The following BMERB1 variants were observed in gnomAD, a reference collection of about 807,000 sequenced individuals.
BMERB1 encodes bMERB domain-containing protein 1.
In BMERB1, 12 loss-of-function variants were observed where a neutral mutation model predicts 23.6. The observed-to-expected ratio is 0.51, with a 90% confidence interval of 0.33 to 0.82. The LOEUF (loss-of-function observed/expected upper bound fraction) is 0.82, where lower values mean the gene tolerates loss of function less well. Among genes scored for constraint, BMERB1 ranks in the 40% least tolerant of loss-of-function variants. BMERB1 has a pLI of 0.03. For missense variants in BMERB1, 247 were observed against 255.4 expected, an observed-to-expected ratio of 0.97 and a Z score of 0.22; for synonymous variants, 122 against 96.6, an observed-to-expected ratio of 1.26 and a Z score of -1.54.
intron 1 of BMERB1, among the ~76,000 whole-genome samples, chr16:15,468,303 A>C (rs2051201557): frequency 6.7e-6 from 1 of 150,308 alleles, no homozygotes; most frequent in African/African-American, 2.4e-5. Flanking sequence ...GCACCTCCCC[A>C]CCTGGCTAAT....
At chr16:15,486,745 T>C (rs1018710073) in intron 1 of BMERB1, among the ~76,000 whole-genome samples, 6 of 152,222 alleles carry the variant, frequency 3.9e-5, no homozygotes, top group African/African-American at 1.4e-4. Flanking sequence ...AAATCTGAGA[T>C]GGTCTAACCC....
intron 1 of BMERB1, among the ~76,000 whole-genome samples, chr16:15,497,000 T>C (rs1378194799): frequency 6.6e-6 from 1 of 152,142 alleles, no homozygotes; most frequent in Non-Finnish European, 1.5e-5. Flanking sequence ...CCAAGGAATG[T>C]AGGTGGCCAA....
intron 1 of BMERB1, among the ~76,000 whole-genome samples, chr16:15,497,948 C>A (rs1011642029): frequency 6.6e-6 from 1 of 152,204 alleles, no homozygotes; most frequent in Non-Finnish European, 1.5e-5. Flanking sequence ...GCTTCTCCAC[C>A]TTTAATGTGA....
intron 1 of BMERB1, 65 bp from the exon 2 acceptor site, chr16:15,515,240 G>C (rs1212838334): frequency 1.1e-5 from 18 of 1,606,222 alleles, no homozygotes; most frequent in Non-Finnish European, 1.4e-5. Flanking sequence ...CTGGAACCAT[G>C]TCAGGGTCTG....
intron 1 of BMERB1, among the ~76,000 whole-genome samples, chr16:15,475,164 C>T (rs115849192): frequency 8.5e-5 from 13 of 152,206 alleles, no homozygotes; most frequent in East Asian, 3.9e-4. Context: ...TTCCTTACTG[C>T]GCTCTACTGC....
intron 1 of BMERB1, among the ~76,000 whole-genome samples, chr16:15,499,532 C>T (rs1326517397): frequency 6.6e-6 from 1 of 152,200 alleles, no homozygotes; most frequent in Non-Finnish European, 1.5e-5. Context: ...GAGCATGTTT[C>T]CAGAAAGAAA....
At chr16:15,469,712 A>C (rs1265648556) in intron 1 of BMERB1, among the ~76,000 whole-genome samples, 1 of 152,190 alleles carries the variant, frequency 6.6e-6, no homozygotes, top group Non-Finnish European at 1.5e-5. Context: ...TATTTTGATA[A>C]ATTTATATTT....
Position 15,519,453 on chromosome 16 carries a change from C to T in BMERB1, c.230+4025C>T, listed in dbSNP as rs189239354. Among the ~76,000 whole-genome samples the T allele has an allele frequency of 1.4e-4, 22 of 152,124 alleles. 1 individual carries two copies. In the East Asian group the frequency reaches 3.3e-3, roughly 23 times the overall value. On this transcript the variant is annotated intron_variant, in intron 2 of 5. Coordinates refer to ENST00000300006, the MANE Select transcript of BMERB1 (RefSeq NM_033201.3). Reference sequence around the variant, plus strand: ...TCGCCCAGGCTGGAGTGCAGTGGTGCGATCTCGGCTCACTGCAACCTCCGT... The same window carrying T: ...TCGCCCAGGCTGGAGTGCAGTGGTGTGATCTCGGCTCACTGCAACCTCCGT...
chr16:15,522,801 G>T (rs2051869477), intron 2 of BMERB1, among the ~76,000 whole-genome samples: 1 of 152,178 alleles, frequency 6.6e-6, no homozygotes, highest in Non-Finnish European at 1.5e-5. Context: ...GTCGGGATCT[G>T]ATCCCACGGC....
At chr16:15,502,166 C>T in intron 1 of BMERB1, 1 of 854,514 alleles carries the variant, frequency 1.2e-6, no homozygotes, top group Non-Finnish European at 1.9e-6. Context: ...GTTGGTGCGT[C>T]CTCCTGAATT....
chr16:15,439,337 C>T (rs2050917610), intron 1 of BMERB1, among the ~76,000 whole-genome samples: 1 of 122,770 alleles, frequency 8.1e-6, no homozygotes, highest in African/African-American at 3.1e-5. Context: ...ATGCGCACTT[C>T]GGACTCTTGG....
At chr16:15,584,379 A>G (rs1742496202) in intron 5 of BMERB1, among the ~76,000 whole-genome samples, 1 of 152,068 alleles carries the variant, frequency 6.6e-6, no homozygotes, top group African/African-American at 2.4e-5. Context: ...TAACACGGTG[A>G]AGCCCCGTCT....
intron 2 of BMERB1, among the ~76,000 whole-genome samples, chr16:15,551,802 A>G (rs987558939): frequency 9.2e-5 from 14 of 152,204 alleles, no homozygotes; most frequent in African/African-American, 3.4e-4. Context: ...AGGGAAAGCA[A>G]GCACGTCTTA....
intron 2 of BMERB1, among the ~76,000 whole-genome samples, chr16:15,532,825 G>A (rs1055778849): frequency 3.3e-5 from 5 of 152,010 alleles, no homozygotes; most frequent in African/African-American, 1.2e-4. Flanking sequence ...GATTACAGGC[G>A]TGAGCCACCG....
chr16:15,536,797 C>A (rs1055074727), intron 2 of BMERB1: 1 of 152,244 alleles, frequency 6.6e-6, no homozygotes, highest in African/African-American at 2.4e-5. Flanking sequence ...AGGCTGATGC[C>A]CCCTCACCTC....
chr16:15,449,766 G>A (rs1245872779), intron 1 of BMERB1, among the ~76,000 whole-genome samples: 8 of 151,812 alleles, frequency 5.3e-5, no homozygotes, highest in Non-Finnish European at 1.2e-4. Context: ...GACTGGTCTC[G>A]AACTCCTGAC....
At chr16:15,510,689 T>C (rs1311676985) in intron 1 of BMERB1, among the ~76,000 whole-genome samples, 2 of 151,710 alleles carry the variant, frequency 1.3e-5, no homozygotes, top group African/African-American at 4.9e-5. Flanking sequence ...CAGCACACAG[T>C]AGCACTCAGT....
At chr16:15,580,298 C>T (rs1265971986) in intron 3 of BMERB1, among the ~76,000 whole-genome samples, 1 of 152,064 alleles carries the variant, frequency 6.6e-6, no homozygotes, top group East Asian at 1.9e-4. Flanking sequence ...ATAGGAGGGT[C>T]TCACTATGTT....
intron 1 of BMERB1, among the ~76,000 whole-genome samples, chr16:15,480,332 T>C (rs1394833307): frequency 6.6e-6 from 1 of 151,938 alleles, no homozygotes; most frequent in Non-Finnish European, 1.5e-5. Context: ...GCCAGGATGG[T>C]CTCAATCTCC....
Sources: gnomAD v4.1 joint callset for allele counts (sites outside exome capture counted in the v4.1 genomes callset) on GRCh38, gnomAD v4.1.1 for gene constraint, MANE v1.5 for transcripts, NCBI Gene and HGNC (gene_info 2026-07-23, HGNC 2026-07-21) for gene names.